The following JMJD1C variants were observed in gnomAD, a reference collection of about 807,000 sequenced individuals.
The protein encoded by JMJD1C is jumonji domain containing 1C, also known as jumonji domain-containing protein 1C.
JMJD1C carries 31 observed loss-of-function variants against 245.3 expected under a neutral mutation model. The observed-to-expected ratio is 0.13, with a 90% CI of 0.09 to 0.17. The LOEUF (loss-of-function observed/expected upper bound fraction) is 0.17. JMJD1C is among the 10% of genes least tolerant of loss of function. The probability of loss-of-function intolerance (pLI) is 1.00; values close to 1 mark genes in which losing one functional copy is unlikely to be tolerated. For missense variants in JMJD1C, 2,691 were observed against 3,000.2 expected, an observed-to-expected ratio of 0.90 and a Z score of 2.41; for synonymous variants, 1,057 against 1,017.4, an observed-to-expected ratio of 1.04 and a Z score of -0.74.
chr10:63,183,321 C>A, intron 22 of JMJD1C, 126 bp downstream of exon 22: 3 of 742,018 alleles, frequency 4.0e-6, no homozygotes, highest in South Asian at 4.2e-5. Flanking sequence ...GCTAAAATGC[C>A]CCTACATCCA....
chr10:63,195,463 A>T lies in JMJD1C; in HGVS notation c.5645-1088T>A, dbSNP rs182022890. 1.1e-3 allele frequency among the ~76,000 whole-genome samples: 166 copies of T among 152,316 alleles called. 1 individual carries two copies. The highest frequency in any genetic ancestry group is 3.8e-3 in the African/African-American group (160 of 41,576). ...TTTAAAAGCTTTGACTTTCCTCTGC[A>T]AAACCTACACGGTAACTTGCAAATA... On this transcript the variant is annotated intron_variant, in intron 13 of 25. Coordinates refer to ENST00000399262, the MANE Select transcript of JMJD1C (RefSeq NM_032776.3).
At chr10:63,324,434 C>T (rs1300031836) in intron 2 of JMJD1C, among the ~76,000 whole-genome samples, 1 of 151,998 alleles carries the variant, frequency 6.6e-6, no homozygotes, top group African/African-American at 2.4e-5. Context: ...AAAGTTAGGC[C>T]CTTGCTCCAA....
chr10:63,265,475 C>G (rs538088111), intron 2 of JMJD1C, among the ~76,000 whole-genome samples: 3 of 151,998 alleles, frequency 2.0e-5, no homozygotes, highest in Admixed American at 6.6e-5. Flanking sequence ...AGATTTAACT[C>G]GTATCTTGGG....
At chr10:63,519,138 T>C (rs7358152) in intron 1 of JMJD1C, among the ~76,000 whole-genome samples, 100,831 of 151,992 alleles carry the variant, frequency 0.66, 36,235 homozygotes, top group Non-Finnish European at 0.81. Flanking sequence ...TCCAGGTAAA[T>C]AGAAAGAAAG....
At chr10:63,521,357 ACGGGCGGGGG>A (rs773662275) in intron 1 of JMJD1C, 1,899 of 146,768 alleles carry the variant, frequency 0.013, 14 homozygotes, top group Non-Finnish European at 0.022. Flanking sequence ...GCGGGCGGGG[ACGGGCGGGGG>A]ACCGACCTCT....
chr10:63,229,233 G>A (rs1231214416), intron 3 of JMJD1C, among the ~76,000 whole-genome samples: 3 of 151,976 alleles, frequency 2.0e-5, no homozygotes, highest in Non-Finnish European at 2.9e-5. Context: ...TTAAGTCTCC[G>A]TATACAAAAT....
Position 63,207,856 on chromosome 10 carries a change from A to C in JMJD1C, c.3813T>G (p.Ser1271Arg). Residue 1271 changes from serine (S) to arginine (R), a missense_variant, in exon 10 of 26, where the codon AGT becomes AGG. Ser to Arg is a moderately radical substitution (Grantham distance 110, BLOSUM62 -1). Coordinates refer to ENST00000399262, the MANE Select transcript of JMJD1C (RefSeq NM_032776.3). ...QANFKSSSEQ[S>R]LTEMWRPNNN... Reference sequence around the variant, plus strand: ...TATTAGGTCTCCACATCTCCGTCAAACTCTGTTCTGAAGAACTCTTAAAAT... The same window carrying C: ...TATTAGGTCTCCACATCTCCGTCAACCTCTGTTCTGAAGAACTCTTAAAAT... The C allele has an allele frequency of 1.2e-6, 2 of 1,614,034 alleles. No individual in the cohort carries two copies. The highest frequency in any genetic ancestry group is 1.7e-6 in the Non-Finnish European group (2 of 1,179,986).
chr10:63,431,863 T>C (rs1286976087), intron 1 of JMJD1C, among the ~76,000 whole-genome samples: 1 of 152,028 alleles, frequency 6.6e-6, no homozygotes, highest in Non-Finnish European at 1.5e-5. Flanking sequence ...AGTACAAAAA[T>C]TAGCTGGGCA....
chr10:63,514,414 T>C (rs929316344), intron 1 of JMJD1C, among the ~76,000 whole-genome samples: 9 of 152,136 alleles, frequency 5.9e-5, no homozygotes, highest in African/African-American at 1.9e-4. Context: ...GAAAATGTAG[T>C]ACACACACAC....
intron 1 of JMJD1C, among the ~76,000 whole-genome samples, chr10:63,514,693 G>A (rs565819606): frequency 9.2e-5 from 14 of 151,948 alleles, no homozygotes; most frequent in East Asian, 5.8e-4. Flanking sequence ...CCTGGGTGAC[G>A]GGACCATTCA....
rs1185397734 is a variant in JMJD1C, at chr10:63,389,311, CA to C, written c.169-8830del. The stretch of plus-strand genomic sequence containing the variant: ...TGGGTGACAAAGTGAGACCCTGTCT[CA>C]AAAAAAAAAAAAAAAAGAAAAAGAA... On this transcript the variant is annotated intron_variant, in intron 1 of 25. Transcript: ENST00000399262. 5.6e-3 allele frequency among the ~76,000 whole-genome samples: 365 copies of C among 64,616 alleles called. 3 individuals carry two copies. Among genetic ancestry groups the C allele is most frequent in the East Asian group, 0.02 (44 of 2,164 alleles). The allele number at this position is 64,616 out of a possible 152,430, so 42.4% of individuals were successfully genotyped here.
chr10:63,359,676 T>C (rs929152900), intron 2 of JMJD1C, among the ~76,000 whole-genome samples: 2 of 152,246 alleles, frequency 1.3e-5, no homozygotes, highest in East Asian at 1.9e-4. Context: ...TTCTAGCTAT[T>C]GAGTTGGTCG....
intron 2 of JMJD1C, among the ~76,000 whole-genome samples, chr10:63,315,444 C>G (rs1037757372): frequency 6.6e-6 from 1 of 152,106 alleles, no homozygotes; most frequent in Non-Finnish European, 1.5e-5. Flanking sequence ...GCCATAAGAA[C>G]CTTAACATTT....
intron 1 of JMJD1C, among the ~76,000 whole-genome samples, chr10:63,507,347 A>G (rs1954748916): frequency 6.6e-6 from 1 of 152,196 alleles, no homozygotes; most frequent in South Asian, 2.1e-4. Context: ...AACCGTCTTT[A>G]AAAGTGGCTG....
At chr10:63,360,908 C>G (rs914184824) in intron 2 of JMJD1C, among the ~76,000 whole-genome samples, 1 of 152,004 alleles carries the variant, frequency 6.6e-6, no homozygotes, top group African/African-American at 2.4e-5. Flanking sequence ...CCTCAGCCTC[C>G]CAGGTAGCTG....
intron 1 of JMJD1C, among the ~76,000 whole-genome samples, chr10:63,400,835 G>A (rs1024240090): frequency 3.3e-5 from 5 of 151,540 alleles, no homozygotes; most frequent in Admixed American, 6.6e-5. Context: ...GCCTCCCAAA[G>A]TGCTGGGATT....
At chr10:63,338,640 ATT>A (rs34238197) in intron 2 of JMJD1C, among the ~76,000 whole-genome samples, 1,944 of 94,972 alleles carry the variant, frequency 0.02, 21 homozygotes, top group African/African-American at 0.074. Context: ...TGCTCCTTAG[ATT>A]TTTTTTTTTT....
In JMJD1C at chr10:63,484,236, GGATAGATAGATAGATAGATA is replaced by G. The variant is rs142291507; in HGVS notation, n.113+37482_113+37501del. Among the ~76,000 whole-genome samples, 744 of 92,744 alleles carry G rather than the reference GGATAGATAGATAGATAGATA, an allele frequency of 8.0e-3. 6 individuals carry two copies. The highest frequency in any genetic ancestry group is 0.024 in the East Asian group (102 of 4,256). 60.8% of individuals were successfully genotyped at this position (92,744 alleles called of 152,430 possible). The stretch of plus-strand genomic sequence containing the variant: ...TGGATGGATGGATGGATGGATGGAT[GGATAGATAGATAGATAGATA>G]GATAGATAGATAGATAAGATAGATA... On this transcript the variant is annotated intron_variant and non_coding_transcript_variant, in intron 1 of 3. Coordinates refer to the JMJD1C transcript ENST00000633035.
At chr10:63,336,692 C>T (rs1942768669) in intron 2 of JMJD1C, among the ~76,000 whole-genome samples, 1 of 152,132 alleles carries the variant, frequency 6.6e-6, no homozygotes, top group Non-Finnish European at 1.5e-5. Flanking sequence ...GGTGTTATGG[C>T]TGCTTGGTTT....
Sources: gnomAD v4.1 joint callset for allele counts (sites outside exome capture counted in the v4.1 genomes callset) on GRCh38, gnomAD v4.1.1 for gene constraint, MANE v1.5 for transcripts, NCBI Gene and HGNC (gene_info 2026-07-23, HGNC 2026-07-21) for gene names.